CEP126: variants seen among roughly 807,000 people sequenced by gnomAD.
CEP126 encodes centrosomal protein of 126 kDa.
In CEP126, 74 loss-of-function variants were observed where a neutral mutation model predicts 107.8. The ratio of observed to expected loss-of-function variants is 0.69; its 90% CI spans 0.57 to 0.83. The LOEUF is 0.83. CEP126 is among the 40% of genes least tolerant of loss of function. The probability of loss-of-function intolerance (pLI) is 0.00; values close to 1 mark genes in which losing one functional copy is unlikely to be tolerated. For missense variants in CEP126, 1,237 were observed against 1,281.9 expected, an observed-to-expected ratio of 0.96 and a Z score of 0.53; for synonymous variants, 449 against 446.0, an observed-to-expected ratio of 1.01 and a Z score of -0.08.
Position 101,915,377 on chromosome 11 carries a change from G to A in CEP126, c.93G>A (p.Arg31=), listed in dbSNP as rs1189750789. The A allele has an allele frequency of 6.2e-7, 1 of 1,613,850 alleles. No homozygotes were observed. The highest frequency in any genetic ancestry group is 1.1e-5 in the South Asian group (1 of 91,078). Residue 31 remains arginine, a synonymous_variant, in exon 1 of 11, where the codon CGG becomes CGA. Coordinates refer to ENST00000263468, the MANE Select transcript of CEP126 (RefSeq NM_020802.4). ...DNLDRAPLGP[R]ESGGHHRPGS... ...TCGACAGAGCCCCCCTCGGCCCTCG[G>A]GAGAGCGGCGGGCATCACCGACCTG...
intron 6 of CEP126, among the ~76,000 whole-genome samples, chr11:101,965,559 A>C (rs756330435): frequency 1.3e-5 from 2 of 152,202 alleles, no homozygotes; most frequent in Non-Finnish European, 2.9e-5. Flanking sequence ...TCTCTCACTA[A>C]AATTATGATT....
intron 5 of CEP126, among the ~76,000 whole-genome samples, chr11:101,960,635 AAATC>A (rs1476337332): frequency 3.9e-5 from 6 of 152,150 alleles, no homozygotes; most frequent in African/African-American, 7.2e-5. Flanking sequence ...CCACAATACT[AAATC>A]AATAAGAACT....
At chr11:101,967,369 G>T (rs895903411) in intron 6 of CEP126, among the ~76,000 whole-genome samples, 1 of 151,976 alleles carries the variant, frequency 6.6e-6, no homozygotes, top group South Asian at 2.1e-4. Context: ...TTTGCCTCTT[G>T]GTCTTTTTTG....
Position 101,962,171 on chromosome 11 carries a change from T to G in CEP126, c.1136T>G (p.Leu379Arg). The G allele has an allele frequency of 1.2e-6, 2 of 1,613,706 alleles. No individual in the cohort carries two copies. The highest frequency in any genetic ancestry group is 1.7e-6 in the Non-Finnish European group (2 of 1,179,796). ...GTATCTAGCCCACCCATGTTTGTAC[T>G]AGATAAAAAATGTGAAAAGACCTCT... is the stretch of plus-strand genomic sequence containing the variant. ...PFVSSPPMFV[L>R]DKKCEKTSET... Residue 379 changes from leucine (L) to arginine (R), a missense_variant, in exon 6 of 11, where the codon CTA (leucine) becomes CGA (arginine). Physicochemically the swap from Leu to Arg is moderately radical, Grantham distance 102 (BLOSUM62 -2). Around this residue, in one of 3 missense-constraint regions of CEP126, gnomAD observed 1,134 missense variants for 1,150.5 expected, o/e 0.99. Coordinates refer to ENST00000263468, the MANE Select transcript of CEP126 (RefSeq NM_020802.4).
chr11:101,924,070 T>G (rs1178031848), intron 2 of CEP126, among the ~76,000 whole-genome samples: 1 of 152,232 alleles, frequency 6.6e-6, no homozygotes, highest in African/African-American at 2.4e-5. Flanking sequence ...AATTTTCTAT[T>G]TGTATTCTCT....
At chr11:101,934,063 T>C (rs565108905) in intron 2 of CEP126, among the ~76,000 whole-genome samples, 1 of 152,156 alleles carries the variant, frequency 6.6e-6, no homozygotes, top group African/African-American at 2.4e-5. Flanking sequence ...TCATCTTCGC[T>C]CTTTGTTTTC....
rs141232258 is a variant in CEP126, at chr11:101,997,450, T to G, written c.3310-149T>G. On this transcript the variant is annotated intron_variant, in intron 10 of 10. Coordinates refer to ENST00000263468, the MANE Select transcript of CEP126 (RefSeq NM_020802.4). ...AATGTAAGGGTTGAGGTAAATAATC[T>G]ATAAAGTCCTCTGCAATCTTAAACT... is the stretch of plus-strand genomic sequence containing the variant. The G allele has an allele frequency of 1.8e-4, 212 of 1,197,004 alleles. No individual in the cohort carries two copies. In the African/African-American group the frequency reaches 2.7e-3, roughly 15 times the overall value. The allele number at this position is 1,197,004 out of a possible 1,614,324, so 74.1% of individuals were successfully genotyped here. A position where few individuals can be genotyped will look rare whatever the true frequency, so the allele number is the denominator to read the frequency against.
At position 101,930,061 on chromosome 11, in the gene CEP126, A is replaced by G. The variant is rs532663848; in HGVS notation, c.248+7301A>G. Among the ~76,000 whole-genome samples the G allele has an allele frequency of 5.5e-4, 84 of 151,368 alleles. 1 individual carries two copies. Among genetic ancestry groups the G allele is most frequent in the Non-Finnish European group, 7.1e-4 (48 of 67,928 alleles). ...CAAGTCTGGGATATACGAAACAAAA[A>G]GAAAACCCAGAGAACTTAAGCACCA... On this transcript the variant is annotated intron_variant, in intron 2 of 10. Coordinates refer to ENST00000263468, the MANE Select transcript of CEP126 (RefSeq NM_020802.4).
chr11:101,920,606 T>G (rs956491938), intron 1 of CEP126, among the ~76,000 whole-genome samples: 16 of 131,134 alleles, frequency 1.2e-4, no homozygotes, highest in African/African-American at 4.9e-4. Context: ...TTCAATGAAC[T>G]TTTTTTTTTT....
intron 9 of CEP126, among the ~76,000 whole-genome samples, chr11:101,989,820 C>A (rs1419832084): frequency 6.6e-6 from 1 of 151,962 alleles, no homozygotes; most frequent in African/African-American, 2.4e-5. Flanking sequence ...ATTAGCCGGG[C>A]GTGGTGGTGG....
chr11:101,924,620 C>G (rs966554574), intron 2 of CEP126, among the ~76,000 whole-genome samples: 1 of 152,176 alleles, frequency 6.6e-6, no homozygotes, highest in African/African-American at 2.4e-5. Context: ...CACGCACCCC[C>G]GTGCCCGGCT....
chr11:101,980,501 G>A (rs999073131), intron 7 of CEP126, among the ~76,000 whole-genome samples: 11 of 151,900 alleles, frequency 7.2e-5, no homozygotes, highest in African/African-American at 2.7e-4. Context: ...GCCCATTTTT[G>A]TCCTTTTCAG....
At chr11:101,990,947 C>G (rs1941371594) in intron 9 of CEP126, among the ~76,000 whole-genome samples, 1 of 152,008 alleles carries the variant, frequency 6.6e-6, no homozygotes, top group Non-Finnish European at 1.5e-5. Context: ...CTGAGGCAGG[C>G]AGATCACTTG....
At chr11:101,990,914 A>G (rs1222894368) in intron 9 of CEP126, among the ~76,000 whole-genome samples, 1 of 152,158 alleles carries the variant, frequency 6.6e-6, no homozygotes. Context: ...AGCAACAACA[A>G]AACCCAAACC....
At position 101,962,574 on chromosome 11, in the gene CEP126, A is replaced by G. The variant is rs772596045; in HGVS notation, c.1539A>G (p.Glu513=). The G allele has an allele frequency of 6.2e-7, 1 of 1,613,492 alleles. No individual in the cohort carries two copies. The highest frequency in any genetic ancestry group is 1.1e-5 in the South Asian group (1 of 91,020). ...EEIKYFNCNK[E]ELPLFSDSFQ... ...TAAAATATTTTAATTGCAATAAGGA[A>G]GAGTTGCCTTTATTTTCAGACAGTT... The change falls in exon 6 of 11, where the codon GAA becomes GAG. Residue 513 remains glutamate, a synonymous_variant. Coordinates refer to ENST00000263468, the MANE Select transcript of CEP126 (RefSeq NM_020802.4).
intron 2 of CEP126, among the ~76,000 whole-genome samples, chr11:101,930,773 C>T (rs1489008599): frequency 6.6e-6 from 1 of 152,188 alleles, no homozygotes; most frequent in African/African-American, 2.4e-5. Context: ...CAAGTCCCCA[C>T]CCAACCCAGA....
At chr11:101,960,806 T>C (rs1431148137) in intron 5 of CEP126, among the ~76,000 whole-genome samples, 3 of 152,078 alleles carry the variant, frequency 2.0e-5, no homozygotes, top group East Asian at 3.8e-4. Flanking sequence ...GTATGATAAA[T>C]CTTAAGGGAT....
At chr11:101,938,653 C>T (rs1317341585) in intron 2 of CEP126, among the ~76,000 whole-genome samples, 1 of 151,924 alleles carries the variant, frequency 6.6e-6, no homozygotes, top group Non-Finnish European at 1.5e-5. Context: ...TCAAGACCAT[C>T]CTGGGCAACA....
chr11:101,922,489 C>T, intron 1 of CEP126, 152 bp from the exon 2 acceptor site: 1 of 559,370 alleles, frequency 1.8e-6, no homozygotes. Flanking sequence ...AAAATGTTTG[C>T]CAGTCATATA....
Sources: gnomAD v4.1 joint callset for allele counts (sites outside exome capture counted in the v4.1 genomes callset) on GRCh38, gnomAD v4.1.1 for gene constraint, gnomAD v4.1.1 regional missense constraint, MANE v1.5 for transcripts, NCBI Gene and HGNC (gene_info 2026-07-23, HGNC 2026-07-21) for gene names.